Variants in COL2A1 observed in about 807,000 individuals in gnomAD.
The protein encoded by COL2A1 is collagen alpha-1(II) chain.
COL2A1 carries 28 observed loss-of-function variants against 204.5 expected under a neutral mutation model. The ratio of observed to expected loss-of-function variants is 0.14; its 90% CI spans 0.10 to 0.19. COL2A1 has a LOEUF of 0.19. COL2A1 is among the 10% of genes least tolerant of loss of function. COL2A1 has a pLI of 1.00. For missense variants in COL2A1, 1,388 were observed against 2,027.5 expected, an observed-to-expected ratio of 0.68 and a Z score of 6.06; for synonymous variants, 708 against 718.7, an observed-to-expected ratio of 0.99 and a Z score of 0.24.
Position 47,978,473 on chromosome 12 carries a change from G to C in COL2A1, c.2896-75C>G. 1 of 1,576,842 alleles carries C rather than the reference G, an allele frequency of 6.3e-7. No homozygotes were observed. Among genetic ancestry groups the C allele is most frequent in the Non-Finnish European group, 8.7e-7 (1 of 1,155,752 alleles). On this transcript the variant is annotated intron_variant, in intron 42 of 53. Coordinates refer to ENST00000380518, the MANE Select transcript of COL2A1 (RefSeq NM_001844.5). The surrounding 1 kb of genome is among the most constrained non-coding windows in gnomAD (Gnocchi z 5.5). ...CTGTCCTCTCAGCACAGCTCTGTCT[G>C]TGCAGCCCCGCTCCCTGGCATCCCC...
intron 37 of COL2A1, 48 bp from the exon 38 acceptor site, chr12:47,981,016 C>G (rs1180381387): frequency 6.5e-7 from 1 of 1,529,108 alleles, no homozygotes; most frequent in African/African-American, 1.4e-5. Flanking sequence ...GCTGCCTGAC[C>G]TGCTTCTGCT....
Position 47,973,361 on chromosome 12 carries a change from G to A in COL2A1, c.*46C>T, listed in dbSNP as rs1938529194. 1.9e-6 allele frequency: 3 copies of A among 1,613,984 alleles called. No homozygotes were observed. The East Asian group carries it at 6.7e-5, about 36-fold the overall frequency. On this transcript the variant is annotated 3_prime_UTR_variant, in exon 54 of 54. Transcript: ENST00000380518. The stretch of plus-strand genomic sequence containing the variant: ...GTGACTGAGATTGGAAAGTACTTGG[G>A]TCCTTTGGGTTTGCAACGGATTGTG...
Position 47,987,027 on chromosome 12 carries a change from G to A in COL2A1, c.1365+51C>T. On this transcript the variant is annotated intron_variant, in intron 21 of 53. Coordinates refer to ENST00000380518, the MANE Select transcript of COL2A1 (RefSeq NM_001844.5). The surrounding 1 kb of genome is among the most constrained non-coding windows in gnomAD (Gnocchi z 4.1). Reference sequence around the variant, plus strand: ...GAGCATGGGAAAGAGGGGTGATGGGGTTTGACTCCAGAGATGTCAGTGGAA... The same window carrying A: ...GAGCATGGGAAAGAGGGGTGATGGGATTTGACTCCAGAGATGTCAGTGGAA... The A allele has an allele frequency of 6.3e-7, 1 of 1,590,060 alleles. No homozygotes were observed. Among genetic ancestry groups the A allele is most frequent in the East Asian group, 2.2e-5 (1 of 44,744 alleles).
intron 23 of COL2A1, 63 bp downstream of exon 23, chr12:47,986,273 A>G: frequency 1.8e-6 from 2 of 1,105,100 alleles, no homozygotes; most frequent in East Asian, 5.1e-5. Flanking sequence ...ACGGACCACA[A>G]GGACTCCACT....
At chr12:47,983,896 C>A in intron 29 of COL2A1, 160 bp from the exon 30 acceptor site, 1 of 928,264 alleles carries the variant, frequency 1.1e-6, no homozygotes, top group South Asian at 1.4e-5. Context: ...CATCAGCCAC[C>A]CACACTCCTC....
Position 47,982,870 on chromosome 12 carries a change from G to C in COL2A1, c.2171C>G (p.Thr724Ser). Reference protein sequence around the residue: ...GLQGPRGLPGTPGTDGPKGAS... With the variant: ...GLQGPRGLPGSPGTDGPKGAS... ...TACTTTGGGACCATCAGTGCCAGGA[G>C]TGCCGGGGAGGCCACGGGGACCCTG... Residue 724 changes from threonine (T) to serine (S), a missense_variant, in exon 33 of 54, where the codon ACT (threonine) becomes AGT (serine). Thr to Ser is a moderately conservative substitution (Grantham distance 58). This residue lies in a region of COL2A1 where 884 missense variants were observed against 1,415.8 expected (regional missense o/e 0.62). Transcript: ENST00000380518. The C allele has an allele frequency of 6.2e-7, 1 of 1,612,318 alleles. No individual in the cohort carries two copies. The highest frequency in any genetic ancestry group is 8.5e-7 in the Non-Finnish European group (1 of 1,179,858).
rs11168342 is a variant in COL2A1, at chr12:47,990,014, G to T, written c.1024-209C>A. On this transcript the variant is annotated intron_variant, in intron 16 of 53. Transcript: ENST00000380518. Reference sequence around the variant, plus strand: ...AATGGGCTTCTTCTAATCTTTTTTTGTTGTTGTTTTTGAGACGGAGTCTGG... The same window carrying T: ...AATGGGCTTCTTCTAATCTTTTTTTTTTGTTGTTTTTGAGACGGAGTCTGG... Among the ~76,000 whole-genome samples, 43,064 of 150,592 alleles carry T rather than the reference G, an allele frequency of 0.29. 6,769 individuals are homozygous for T. Among genetic ancestry groups the T allele is most frequent in the Non-Finnish European group, 0.37 (24,656 of 67,496 alleles).
At chr12:47,985,387 C>G in intron 26 of COL2A1, 147 bp downstream of exon 26, 1 of 865,082 alleles carries the variant, frequency 1.2e-6, no homozygotes, top group Non-Finnish European at 1.9e-6. Flanking sequence ...TTACATCTGG[C>G]CCCAGTGCCT....
rs184031664 is a variant in COL2A1, at chr12:47,984,649, T to C, written c.1834-50A>G. 5.3e-4 allele frequency: 837 copies of C among 1,578,262 alleles called. 8 individuals are homozygous for C. In the African/African-American group the frequency reaches 1.0e-2, roughly 19 times the overall value. The stretch of plus-strand genomic sequence containing the variant: ...ATGAGGCGGATGGTTTGGGAGGGAG[T>C]TGGGGGCAGAGCGGGCTGCAGGGAC... On this transcript the variant is annotated intron_variant, in intron 27 of 53. Transcript: ENST00000380518.
chr12:47,998,451 G>T lies in COL2A1; in HGVS notation c.293-20C>A. On this transcript the variant is annotated intron_variant, in intron 2 of 53. Coordinates refer to ENST00000380518, the MANE Select transcript of COL2A1 (RefSeq NM_001844.5). ...GTTGCCCTGCAAGGGAAAAAATATA[G>T]AGAAGAAGAAGGTAAGAATCTTGAG... 6.2e-7 allele frequency: 1 copy of T among 1,609,764 alleles called. No individual in the cohort carries two copies. Among genetic ancestry groups the T allele is most frequent in the South Asian group, 1.1e-5 (1 of 90,580 alleles).
At chr12:47,977,907 T>C in intron 44 of COL2A1, 103 bp downstream of exon 44, 1 of 1,167,336 alleles carries the variant, frequency 8.6e-7, no homozygotes, top group Non-Finnish European at 1.3e-6. Flanking sequence ...TGCCACCCCC[T>C]TCTCCAGGGC....
At chr12:47,995,668 G>C (rs1939924025) in intron 10 of COL2A1, 42 bp downstream of exon 10, 3 of 1,594,518 alleles carry the variant, frequency 1.9e-6, no homozygotes, top group Middle Eastern at 1.7e-4. Flanking sequence ...TCTATCATTA[G>C]AGGCTCCCCC....
At chr12:47,997,946 A>G in intron 5 of COL2A1, 22 bp from the exon 6 acceptor site, 2 of 1,614,176 alleles carry the variant, frequency 1.2e-6, no homozygotes, top group Non-Finnish European at 1.7e-6. Context: ...GAACATGGTA[A>G]GATGACAGCA....
At chr12:48,005,214 A>G (rs1940422436), upstream of COL2A1, 1 of 152,788 alleles carries the variant, frequency 6.5e-6, no homozygotes. Context: ...GTGTTACTGC[A>G]CAGAAGGAGA....
chr12:47,979,869 G>A (rs1938944034), intron 40 of COL2A1, 140 bp downstream of exon 40: 2 of 773,304 alleles, frequency 2.6e-6, no homozygotes, highest in Admixed American at 5.4e-5. Flanking sequence ...CTCCCACCTG[G>A]CTGTGGGTGG....
chr12:47,989,523 C>A (rs2136588838), intron 17 of COL2A1, among the ~76,000 whole-genome samples: 1 of 152,324 alleles, frequency 6.6e-6, no homozygotes, highest in East Asian at 1.9e-4. Flanking sequence ...ACTCCTTTGA[C>A]CTCCCTCCTC....
At chr12:47,986,944 C>T (rs966067050) in intron 21 of COL2A1, 56 bp from the exon 22 acceptor site, 40 of 1,607,188 alleles carry the variant, frequency 2.5e-5, no homozygotes, top group Non-Finnish European at 3.3e-5. Flanking sequence ...CCTGCCCCTC[C>T]CCAGAACCCC....
intron 33 of COL2A1, 102 bp downstream of exon 33, chr12:47,982,746 C>G (rs1939166548): frequency 1.5e-6 from 2 of 1,310,430 alleles, no homozygotes; most frequent in Admixed American, 3.4e-5. Context: ...CCAGCTCCCC[C>G]CACTTCTGTT....
At position 47,980,809 on chromosome 12, in the gene COL2A1, G is replaced by A; in HGVS notation, c.2517+106C>T. ...TTAGTATGGAGGCGGGAAAGGAGAG[G>A]AGAGGAGCATCCATTTCCCTCCCTG... On this transcript the variant is annotated intron_variant, in intron 38 of 53. Coordinates refer to ENST00000380518, the MANE Select transcript of COL2A1 (RefSeq NM_001844.5). The surrounding 1 kb of genome is among the most constrained non-coding windows in gnomAD (Gnocchi z 4.5). The A allele has an allele frequency of 3.5e-6, 5 of 1,428,242 alleles. No homozygotes were observed. The highest frequency in any genetic ancestry group is 4.8e-6 in the Non-Finnish European group (5 of 1,034,714). 88.5% of individuals were successfully genotyped at this position (1,428,242 alleles called of 1,614,324 possible).
Sources: allele counts gnomAD v4.1 joint callset (sites outside exome capture counted in the v4.1 genomes callset), GRCh38; gene constraint gnomAD v4.1.1; regional missense constraint gnomAD v4.1.1; non-coding constraint Gnocchi (gnomAD v3.1); transcripts MANE v1.5; gene names NCBI Gene and HGNC (gene_info 2026-07-23, HGNC 2026-07-21).